Variants in TBCK observed in about 807,000 individuals in gnomAD.
TBCK encodes the protein TBC1 domain containing kinase.
In TBCK, 99 loss-of-function variants were observed where a neutral mutation model predicts 113.4. The observed-to-expected ratio is 0.87, with a 90% CI of 0.74 to 1.03. The LOEUF (loss-of-function observed/expected upper bound fraction) is 1.03, where lower values mean the gene tolerates loss of function less well. Among genes scored for constraint, TBCK ranks in the 50% least tolerant of loss-of-function variants. The pLI, the probability that TBCK is intolerant of heterozygous loss-of-function variation, is 0.00. For synonymous variants in TBCK, 369 were observed against 370.8 expected, an observed-to-expected ratio of 1.00 and a Z score of 0.05; for missense variants, 1,045 against 1,061.3, an observed-to-expected ratio of 0.98 and a Z score of 0.21.
intron 24 of TBCK, among the ~76,000 whole-genome samples, chr4:106,105,922 GACAGAA>G (rs1460997622): frequency 1.3e-5 from 2 of 152,248 alleles, no homozygotes; most frequent in Admixed American, 1.3e-4. Context: ...TGGCTGGAAT[GACAGAA>G]ACAGAATTCA....
At chr4:106,221,808 C>A (rs527336370) in intron 19 of TBCK, among the ~76,000 whole-genome samples, 1 of 152,122 alleles carries the variant, frequency 6.6e-6, no homozygotes, top group Admixed American at 6.5e-5. Flanking sequence ...GACTCCAGGA[C>A]CGCTTGAGGG....
intron 23 of TBCK, among the ~76,000 whole-genome samples, chr4:106,159,268 A>G (rs1749476786): frequency 6.6e-6 from 1 of 152,154 alleles, no homozygotes; most frequent in South Asian, 2.1e-4. Context: ...TATTTTCAAC[A>G]TAGTACTGGA....
intron 2 of TBCK, among the ~76,000 whole-genome samples, chr4:106,304,383 C>A (rs986807119): frequency 2.0e-5 from 3 of 152,126 alleles, no homozygotes; most frequent in Admixed American, 1.3e-4. Context: ...CTCAGATCCT[C>A]ATACCAAATA....
intron 25 of TBCK, 35 bp from the exon 26 acceptor site, chr4:106,046,715 A>G: frequency 8.8e-7 from 1 of 1,137,054 alleles, no homozygotes. Flanking sequence ...TTTAGAGGAT[A>G]TACAGAAGAC....
At chr4:106,251,558 T>A (rs1383637054) in intron 6 of TBCK, among the ~76,000 whole-genome samples, 1 of 152,090 alleles carries the variant, frequency 6.6e-6, no homozygotes, top group East Asian at 1.9e-4. Context: ...AAACTTTTAA[T>A]GGTACTCCAT....
Position 106,262,337 on chromosome 4 carries a change from G to A in TBCK, c.267-125C>T, listed in dbSNP as rs1762582493. 3 of 517,298 alleles carry A rather than the reference G, an allele frequency of 5.8e-6. No individual in the cohort carries two copies. The South Asian group carries it at 8.4e-5, about 14-fold the overall frequency. The allele number at this position is 517,298 out of a possible 1,614,324, so 32.0% of individuals were successfully genotyped here. A position where few individuals can be genotyped will look rare whatever the true frequency, so the allele number is the denominator to read the frequency against. ...ATTTTTATTGCTCCTCTTTTATTCT[G>A]AGAAAATAGAATCTATATATTTTCT... On this transcript the variant is annotated intron_variant, in intron 3 of 25. Transcript: ENST00000394708.
At chr4:106,279,986 T>C (rs1270826777) in intron 3 of TBCK, among the ~76,000 whole-genome samples, 1 of 152,168 alleles carries the variant, frequency 6.6e-6, no homozygotes, top group Non-Finnish European at 1.5e-5. Context: ...AGCCTTATTT[T>C]TAGTTTTGTT....
chr4:106,199,513 A>C (rs1177605398), intron 20 of TBCK, among the ~76,000 whole-genome samples: 2 of 152,076 alleles, frequency 1.3e-5, no homozygotes, highest in African/African-American at 4.8e-5. Context: ...CTCCATCCCT[A>C]AACCTCTCCT....
intron 19 of TBCK, among the ~76,000 whole-genome samples, chr4:106,220,011 C>T (rs1204919384): frequency 6.6e-6 from 1 of 152,100 alleles, no homozygotes; most frequent in Non-Finnish European, 1.5e-5. Context: ...AATATTTGAA[C>T]AAATAGTACT....
intron 23 of TBCK, among the ~76,000 whole-genome samples, chr4:106,118,520 C>T (rs2149576799): frequency 6.6e-6 from 1 of 152,316 alleles, no homozygotes; most frequent in East Asian, 1.9e-4. Context: ...GTTTTGAAAT[C>T]AGCAAGCCAT....
chr4:106,071,673 G>A (rs1485059825), intron 25 of TBCK, among the ~76,000 whole-genome samples: 3 of 152,138 alleles, frequency 2.0e-5, no homozygotes, highest in African/African-American at 7.2e-5. Flanking sequence ...CTGTCTTGTT[G>A]ATCTGTCTCA....
At chr4:106,246,303 T>C (rs1387453271) in intron 10 of TBCK, among the ~76,000 whole-genome samples, 5 of 152,172 alleles carry the variant, frequency 3.3e-5, no homozygotes, top group African/African-American at 9.6e-5. Flanking sequence ...AAATGTTTAA[T>C]TGAATGAATG....
rs36011277 is a variant in TBCK, at chr4:106,311,200, TACACACACACAC to T, written c.-29-2223_-29-2212del. Among the ~76,000 whole-genome samples, 410 of 138,286 alleles carry T rather than the reference TACACACACACAC, an allele frequency of 3.0e-3. 5 individuals carry two copies. Among genetic ancestry groups the T allele is most frequent in the African/African-American group, 8.0e-3 (300 of 37,540 alleles). 90.7% of individuals were successfully genotyped at this position (138,286 alleles called of 152,430 possible). ...GCTATTATATTCCTACAGAAACTCC[TACACACACACAC>T]ACACACACACACACACACACACACA... On this transcript the variant is annotated intron_variant, in intron 1 of 25. Coordinates refer to ENST00000394708, the MANE Select transcript of TBCK (RefSeq NM_001163435.3).
intron 23 of TBCK, among the ~76,000 whole-genome samples, chr4:106,162,471 G>T (rs896433743): frequency 6.6e-6 from 1 of 152,160 alleles, no homozygotes; most frequent in Non-Finnish European, 1.5e-5. Context: ...TGGGGACTCT[G>T]TGTGGGAGTT....
At chr4:106,096,945 T>G (rs1740993187) in intron 24 of TBCK, among the ~76,000 whole-genome samples, 3 of 152,192 alleles carry the variant, frequency 2.0e-5, no homozygotes. Context: ...GAATACTGTA[T>G]TTGGTTAAAA....
intron 3 of TBCK, among the ~76,000 whole-genome samples, chr4:106,280,471 C>T (rs922662236): frequency 6.6e-6 from 1 of 152,048 alleles, no homozygotes; most frequent in African/African-American, 2.4e-5. Context: ...GTTGCCTATG[C>T]TTGTGGGGTA....
intron 25 of TBCK, among the ~76,000 whole-genome samples, chr4:106,084,512 C>T (rs763525065): frequency 3.9e-5 from 6 of 152,166 alleles, no homozygotes; most frequent in Non-Finnish European, 8.8e-5. Context: ...GGAAAACACA[C>T]TTCAGGATAT....
intron 5 of TBCK, among the ~76,000 whole-genome samples, chr4:106,253,320 T>C (rs1761629860): frequency 6.6e-6 from 1 of 152,198 alleles, no homozygotes; most frequent in African/African-American, 2.4e-5. Flanking sequence ...TTCTTATTTC[T>C]ATTATATGAA....
At position 106,093,278 on chromosome 4, in the gene TBCK, G is replaced by A. The variant is rs577081833; in HGVS notation, c.2571+2204C>T. ...TCCCAGCACTTTGGGAGGCCGAGGC[G>A]GGCAGATCACTAGGTCAGGAGATTG... On this transcript the variant is annotated intron_variant, in intron 25 of 25. Coordinates refer to ENST00000394708, the MANE Select transcript of TBCK (RefSeq NM_001163435.3). Among the ~76,000 whole-genome samples the A allele has an allele frequency of 1.7e-4, 26 of 152,284 alleles. No individual in the cohort carries two copies. The South Asian group carries it at 2.3e-3, about 13-fold the overall frequency.
Sources: gnomAD v4.1 joint callset for allele counts (sites outside exome capture counted in the v4.1 genomes callset) on GRCh38, gnomAD v4.1.1 for gene constraint, MANE v1.5 for transcripts, NCBI Gene and HGNC (gene_info 2026-07-23, HGNC 2026-07-21) for gene names.